C12orf56: variants seen among roughly 807,000 people sequenced by gnomAD.
The protein encoded by C12orf56 is chromosome 12 open reading frame 56.
Under a neutral mutation model 69.9 loss-of-function variants are expected in C12orf56, and 71 were observed. The ratio of observed to expected loss-of-function variants is 1.02; its 90% CI spans 0.84 to 1.24. The LOEUF (loss-of-function observed/expected upper bound fraction) is 1.24. Ranked by LOEUF, C12orf56 falls within the 50% of genes most tolerant of loss-of-function variation. C12orf56 has a pLI of 0.00. For synonymous variants in C12orf56, 276 were observed against 274.1 expected, an observed-to-expected ratio of 1.01 and a Z score of -0.07; for missense variants, 732 against 738.5, an observed-to-expected ratio of 0.99 and a Z score of 0.10.
intron 3 of C12orf56, among the ~76,000 whole-genome samples, chr12:64,319,376 A>G (rs1469862): frequency 0.99 from 150,070 of 152,266 alleles, 73,990 homozygotes; most frequent in Middle Eastern, 1. Context: ...AATTCAAATA[A>G]GGATATGAAG....
intron 2 of C12orf56, among the ~76,000 whole-genome samples, chr12:64,331,267 G>A (rs1368210969): frequency 6.6e-6 from 1 of 152,156 alleles, no homozygotes; most frequent in Non-Finnish European, 1.5e-5. Flanking sequence ...TTAGAAGGCT[G>A]AAGTGGGAGG....
At chr12:64,307,396 G>A (rs1382589410) in intron 5 of C12orf56, among the ~76,000 whole-genome samples, 4 of 116,706 alleles carry the variant, frequency 3.4e-5, no homozygotes, top group African/African-American at 6.5e-5. Flanking sequence ...TTGAGACGGA[G>A]TCTTGCTCTG....
chr12:64,312,824 A>G lies in C12orf56; in HGVS notation c.895-72T>C. 5 of 1,091,202 alleles carry G rather than the reference A, an allele frequency of 4.6e-6. 1 individual carries two copies. The highest frequency in any genetic ancestry group is 2.7e-5 in the South Asian group (2 of 73,012). The allele number at this position is 1,091,202 out of a possible 1,614,324, so 67.6% of individuals were successfully genotyped here. A position where few individuals can be genotyped will look rare whatever the true frequency, so the allele number is the denominator to read the frequency against. The stretch of plus-strand genomic sequence containing the variant: ...GATCAATTCCCCCTACCTTTAGTCA[A>G]TGTTATGTATCTATTCTTTAAGCCC... On this transcript the variant is annotated intron_variant, in intron 4 of 12. Transcript: ENST00000543942.
At chr12:64,310,390 T>C (rs1351925226) in intron 5 of C12orf56, among the ~76,000 whole-genome samples, 1 of 152,252 alleles carries the variant, frequency 6.6e-6, no homozygotes, top group Non-Finnish European at 1.5e-5. Flanking sequence ...ACATAAATTG[T>C]AATTTTCTAA....
intron 8 of C12orf56, among the ~76,000 whole-genome samples, chr12:64,281,771 G>T (rs2038132365): frequency 6.6e-6 from 1 of 152,074 alleles, no homozygotes; most frequent in African/African-American, 2.4e-5. Context: ...CAGGAAAGAG[G>T]CTTGATATAG....
intron 6 of C12orf56, among the ~76,000 whole-genome samples, chr12:64,297,688 T>A (rs1157455092): frequency 6.6e-6 from 1 of 152,234 alleles, no homozygotes; most frequent in African/African-American, 2.4e-5. Context: ...GTTTCCAGCT[T>A]CATCCATGTC....
chr12:64,355,469 A>T (rs931834848), intron 1 of C12orf56, among the ~76,000 whole-genome samples: 11 of 152,062 alleles, frequency 7.2e-5, no homozygotes, highest in African/African-American at 2.7e-4. Flanking sequence ...TTAATTTTAA[A>T]TTTTTTTGAG....
intron 3 of C12orf56, among the ~76,000 whole-genome samples, chr12:64,321,183 C>T (rs902751163): frequency 6.6e-6 from 1 of 152,200 alleles, no homozygotes; most frequent in Non-Finnish European, 1.5e-5. Context: ...GTTTGCAAAA[C>T]TGGAAACAAT....
chr12:64,281,730 T>C (rs138908328), intron 8 of C12orf56, among the ~76,000 whole-genome samples: 1 of 152,156 alleles, frequency 6.6e-6, no homozygotes, highest in Non-Finnish European at 1.5e-5. Context: ...GTAATATATG[T>C]ATTGAAGGAC....
At chr12:64,302,090 C>A (rs375201708) in intron 6 of C12orf56, among the ~76,000 whole-genome samples, 7 of 152,212 alleles carry the variant, frequency 4.6e-5, no homozygotes, top group African/African-American at 1.7e-4. Flanking sequence ...AGAAGATAAT[C>A]CTAATTTATT....
chr12:64,322,018 T>C (rs1262004008), intron 3 of C12orf56, among the ~76,000 whole-genome samples: 1 of 150,982 alleles, frequency 6.6e-6, no homozygotes, highest in Non-Finnish European at 1.5e-5. Flanking sequence ...TTATTATTAT[T>C]ATTATTTTTA....
intron 6 of C12orf56, among the ~76,000 whole-genome samples, chr12:64,296,969 C>A (rs1369206437): frequency 3.3e-5 from 5 of 151,818 alleles, no homozygotes; most frequent in African/African-American, 1.2e-4. Context: ...TACTGGACTT[C>A]CCTGCCTCCA....
At chr12:64,323,043 C>T (rs1222684369) in intron 3 of C12orf56, among the ~76,000 whole-genome samples, 1 of 152,164 alleles carries the variant, frequency 6.6e-6, no homozygotes, top group African/African-American at 2.4e-5. Context: ...AAATTCAATA[C>T]AAGTAAGTGT....
chr12:64,323,471 A>G (rs1361966619), intron 3 of C12orf56, among the ~76,000 whole-genome samples: 1 of 152,094 alleles, frequency 6.6e-6, no homozygotes, highest in African/African-American at 2.4e-5. Flanking sequence ...AGTAATTCCA[A>G]TAAATTCCCT....
intron 2 of C12orf56, among the ~76,000 whole-genome samples, chr12:64,352,087 G>GTTTTTTTTTTT (rs1565770096): frequency 9.5e-6 from 1 of 105,540 alleles, no homozygotes; most frequent in African/African-American, 3.5e-5. Flanking sequence ...AGGTTTTTTT[G>GTTTTTTTTTTT]TTTTTGTTTT....
chr12:64,353,723 C>T (rs982700756), intron 1 of C12orf56, among the ~76,000 whole-genome samples: 1 of 152,128 alleles, frequency 6.6e-6, no homozygotes, highest in Non-Finnish European at 1.5e-5. Context: ...TCTCTGTCGC[C>T]CAGCCTGGAG....
chr12:64,298,197 T>A (rs1273016576), intron 6 of C12orf56, among the ~76,000 whole-genome samples: 1 of 152,244 alleles, frequency 6.6e-6, no homozygotes, highest in Non-Finnish European at 1.5e-5. Flanking sequence ...GAGAAGTGTC[T>A]GTTCATATCC....
chr12:64,330,717 T>G (rs2038918621), intron 3 of C12orf56, among the ~76,000 whole-genome samples: 1 of 152,190 alleles, frequency 6.6e-6, no homozygotes. Context: ...TAATGAATTA[T>G]TTATCTATAT....
intron 6 of C12orf56, among the ~76,000 whole-genome samples, chr12:64,293,118 G>C: frequency 6.6e-6 from 1 of 152,118 alleles, no homozygotes; most frequent in Admixed American, 6.6e-5. Flanking sequence ...CGATTTTCCA[G>C]GTGCGTCCGT....
Sources: allele counts gnomAD v4.1 joint callset (sites outside exome capture counted in the v4.1 genomes callset), GRCh38; gene constraint gnomAD v4.1.1; transcripts MANE v1.5; gene names NCBI Gene and HGNC (gene_info 2026-07-23, HGNC 2026-07-21).